The following CUX2 variants were observed in gnomAD, a reference collection of about 807,000 sequenced individuals.
CUX2 encodes homeobox protein cut-like 2.
CUX2 carries 40 observed loss-of-function variants against 144.8 expected under a neutral mutation model. The ratio of observed to expected loss-of-function variants is 0.28; its 90% CI spans 0.21 to 0.36. CUX2 has a LOEUF of 0.36. CUX2 is among the 10% of genes least tolerant of loss of function. CUX2 has a pLI of 1.00. For synonymous variants in CUX2, 827 were observed against 875.6 expected, an observed-to-expected ratio of 0.94 and a Z score of 0.98; for missense variants, 1,615 against 1,994.0, an observed-to-expected ratio of 0.81 and a Z score of 3.62.
At chr12:111,046,701 G>A (rs578004939) in intron 1 of CUX2, among the ~76,000 whole-genome samples, 1 of 152,288 alleles carries the variant, frequency 6.6e-6, no homozygotes, top group East Asian at 1.9e-4. Flanking sequence ...CTGTCGCCCA[G>A]GCTGGAGTGC....
At chr12:111,161,053 G>A (rs1226062322) in intron 1 of CUX2, among the ~76,000 whole-genome samples, 1 of 152,160 alleles carries the variant, frequency 6.6e-6, no homozygotes, top group African/African-American at 2.4e-5. Context: ...CCTGGGGGCT[G>A]GAGGTGAGCC....
intron 1 of CUX2, among the ~76,000 whole-genome samples, chr12:111,129,982 G>A (rs1274863441): frequency 2.6e-5 from 4 of 152,158 alleles, no homozygotes; most frequent in African/African-American, 9.7e-5. Context: ...TGACTGGAGG[G>A]CTACGGTGAC....
Position 111,072,481 on chromosome 12 carries a change from A to G in CUX2, c.63+38241A>G, listed in dbSNP as rs182268759. Among the ~76,000 whole-genome samples, 21 of 152,240 alleles carry G rather than the reference A, an allele frequency of 1.4e-4. No individual in the cohort carries two copies. The East Asian group carries it at 3.9e-3, about 28-fold the overall frequency. On this transcript the variant is annotated intron_variant, in intron 1 of 21. Coordinates refer to ENST00000261726, the MANE Select transcript of CUX2 (RefSeq NM_015267.4). ...TTTGTAACCCTTTGTCCATCTCTCCATCACAATACAGTGCTGATTGCAATA... is the reference window on the plus strand; with the variant it reads ...TTTGTAACCCTTTGTCCATCTCTCCGTCACAATACAGTGCTGATTGCAATA...
rs997431854 is a variant in CUX2, at chr12:111,115,288, T to C, written c.63+81048T>C. Among the ~76,000 whole-genome samples the C allele has an allele frequency of 5.0e-5, 7 of 140,216 alleles. No homozygotes were observed. In the East Asian group the frequency reaches 7.9e-4, roughly 16 times the overall value. 92.0% of individuals were successfully genotyped at this position (140,216 alleles called of 152,430 possible). On this transcript the variant is annotated intron_variant, in intron 1 of 21. Coordinates refer to ENST00000261726, the MANE Select transcript of CUX2 (RefSeq NM_015267.4). ...GGAGATAATAAAATTTCTTTTTTTT[T>C]TTTTTTTTTTTTTTTGAGATAGAGT...
chr12:111,347,903 G>A lies in CUX2; in HGVS notation c.4039G>A (p.Gly1347Arg), dbSNP rs368160942. The A allele has an allele frequency of 1.0e-4, 167 of 1,613,828 alleles. No homozygotes were observed. The highest frequency in any genetic ancestry group is 4.1e-4 in the South Asian group (37 of 91,076). The change falls in exon 22 of 22, where the codon GGG becomes AGG. Residue 1347 changes from glycine to arginine, a missense_variant. This residue lies in a region of CUX2 where 298 missense variants were observed against 330.4 expected (regional missense o/e 0.90). Transcript: ENST00000261726. ...TGATGGACTCCCAAAAGTGGCTCCCGGGCCCCTCCTTCCAGGTGGATCCAC... is the reference window on the plus strand; with the variant it reads ...TGATGGACTCCCAAAAGTGGCTCCCAGGCCCCTCCTTCCAGGTGGATCCAC... ...GNDGLPKVAP[G>R]PLLPGGSTPD...
At chr12:111,149,356 C>A (rs1019357885) in intron 1 of CUX2, among the ~76,000 whole-genome samples, 20 of 152,122 alleles carry the variant, frequency 1.3e-4, no homozygotes, top group Non-Finnish European at 2.5e-4. Context: ...GACACCCCTA[C>A]CCTAGACCAT....
rs940824026 is a variant in CUX2, at chr12:111,255,352, T to C, written c.223-8409T>C. Among the ~76,000 whole-genome samples the C allele has an allele frequency of 1.3e-5, 2 of 152,256 alleles. No homozygotes were observed. The highest frequency in any genetic ancestry group is 4.8e-5 in the African/African-American group (2 of 41,462). On this transcript the variant is annotated intron_variant, in intron 3 of 21. Transcript: ENST00000261726. This position sits in a 1 kb window ranked among gnomAD's most constrained non-coding sequence, Gnocchi z 4.1. Reference sequence around the variant, plus strand: ...TAATCCCTGACATTAAAATGTAATTTTCATTTGCTCAGCGGCATCACTGAT... The same window carrying C: ...TAATCCCTGACATTAAAATGTAATTCTCATTTGCTCAGCGGCATCACTGAT...
chr12:111,233,366 G>T (rs1193874054), intron 3 of CUX2, among the ~76,000 whole-genome samples: 1 of 152,048 alleles, frequency 6.6e-6, no homozygotes, highest in Non-Finnish European at 1.5e-5. Flanking sequence ...AACAGACAAA[G>T]GTTCTTATTT....
Position 111,341,986 on chromosome 12 carries a change from A to T in CUX2, c.3592A>T (p.Ile1198Phe). 6.2e-7 allele frequency: 1 copy of T among 1,614,096 alleles called. No individual in the cohort carries two copies. The highest frequency in any genetic ancestry group is 8.5e-7 in the Non-Finnish European group (1 of 1,180,014). ...QLEPYPSQQT[I>F]ELLSFQLNLK... Reference sequence around the variant, plus strand: ...GGAACCCTACCCCTCGCAGCAGACCATCGAGCTCCTCTCCTTCCAGCTCAA... The same window carrying T: ...GGAACCCTACCCCTCGCAGCAGACCTTCGAGCTCCTCTCCTTCCAGCTCAA... Residue 1198 changes from isoleucine (I) to phenylalanine (F), a missense_variant, in exon 21 of 22, where the codon ATC becomes TTC. Ile to Phe is a conservative substitution (Grantham distance 21). Around this residue, in one of 12 missense-constraint regions of CUX2, gnomAD observed 131 missense variants for 223.1 expected, o/e 0.59. Coordinates refer to ENST00000261726, the MANE Select transcript of CUX2 (RefSeq NM_015267.4).
At chr12:111,091,823 C>T (rs761281882) in intron 1 of CUX2, among the ~76,000 whole-genome samples, 4 of 152,108 alleles carry the variant, frequency 2.6e-5, no homozygotes, top group African/African-American at 4.8e-5. Flanking sequence ...GGCTTGTGGC[C>T]GCATCACTAG....
chr12:111,321,486 GTGTT>G lies in CUX2; in HGVS notation c.2766+714_2766+717del, dbSNP rs563485048. On this transcript the variant is annotated intron_variant, in intron 17 of 21. Coordinates refer to ENST00000261726, the MANE Select transcript of CUX2 (RefSeq NM_015267.4). ...TCCATCTCAAAAGAAAAAAAAAAAAGTGTTTGGGATCAGCCTGGGCAATGTAGCA... is the reference window on the plus strand; with the variant it reads ...TCCATCTCAAAAGAAAAAAAAAAAAGTGGGATCAGCCTGGGCAATGTAGCA... Among the ~76,000 whole-genome samples, 138 of 151,276 alleles carry G rather than the reference GTGTT, an allele frequency of 9.1e-4. 1 individual carries two copies. The highest frequency in any genetic ancestry group is 4.0e-3 in the Admixed American group (60 of 15,138).
At chr12:111,042,503 A>G (rs1869799155) in intron 1 of CUX2, among the ~76,000 whole-genome samples, 1 of 152,160 alleles carries the variant, frequency 6.6e-6, no homozygotes. Context: ...CTCGGTTCAA[A>G]TCCCAGCTCT....
At position 111,037,811 on chromosome 12, in the gene CUX2, G is replaced by C. The variant is rs1869535297; in HGVS notation, c.63+3571G>C. ...TTTTTTTTACCATGCTCTGGGTCCAGTCTCCCATGCTGTCTTCCCTGACTC... is the reference window on the plus strand; with the variant it reads ...TTTTTTTTACCATGCTCTGGGTCCACTCTCCCATGCTGTCTTCCCTGACTC... On this transcript the variant is annotated intron_variant, in intron 1 of 21. Transcript: ENST00000261726. This position sits in a 1 kb window ranked among gnomAD's most constrained non-coding sequence, Gnocchi z 5.4. 1.3e-5 allele frequency among the ~76,000 whole-genome samples: 2 copies of C among 151,786 alleles called. No individual in the cohort carries two copies.
At chr12:111,176,629 T>C (rs1301282045) in intron 1 of CUX2, among the ~76,000 whole-genome samples, 1 of 152,168 alleles carries the variant, frequency 6.6e-6, no homozygotes, top group Non-Finnish European at 1.5e-5. Flanking sequence ...AAAAAAAGGT[T>C]GTTGTGTCCA....
At chr12:111,343,390 G>A (rs554492534) in intron 21 of CUX2, among the ~76,000 whole-genome samples, 63 of 152,190 alleles carry the variant, frequency 4.1e-4, no homozygotes, top group African/African-American at 1.4e-3. Flanking sequence ...CACTTGGGGG[G>A]ATTTCAAGGA....
intron 1 of CUX2, among the ~76,000 whole-genome samples, chr12:111,212,181 G>A (rs917831310): frequency 4.6e-5 from 7 of 152,216 alleles, no homozygotes; most frequent in Non-Finnish European, 8.8e-5. Flanking sequence ...GTTGTGGTCA[G>A]TTGTAGTTTC....
chr12:111,101,705 C>G (rs1182582913), intron 1 of CUX2, among the ~76,000 whole-genome samples: 1 of 152,212 alleles, frequency 6.6e-6, no homozygotes, highest in Non-Finnish European at 1.5e-5. Context: ...GAGCCTTAGT[C>G]TTCCCACCTG....
At chr12:111,100,032 T>A in intron 1 of CUX2, 1 of 457,044 alleles carries the variant, frequency 2.2e-6, no homozygotes, top group Non-Finnish European at 4.4e-6. Context: ...CCGGTGGTGC[T>A]GCTGACGGGC....
Position 111,077,498 on chromosome 12 carries a change from G to A in CUX2, c.63+43258G>A, listed in dbSNP as rs1050336303. ...ACCACTGAATAATTTACGGTCCCTC[G>A]GAGCGGCGAGGAGCAGGTCACTGGA... On this transcript the variant is annotated intron_variant, in intron 1 of 21. Coordinates refer to ENST00000261726, the MANE Select transcript of CUX2 (RefSeq NM_015267.4). The surrounding 1 kb of genome is among the most constrained non-coding windows in gnomAD (Gnocchi z 4.1). 3.3e-5 allele frequency among the ~76,000 whole-genome samples: 5 copies of A among 152,164 alleles called. No individual in the cohort carries two copies. The highest frequency in any genetic ancestry group is 1.2e-4 in the African/African-American group (5 of 41,434).
Sources: allele counts gnomAD v4.1 joint callset (sites outside exome capture counted in the v4.1 genomes callset), GRCh38; gene constraint gnomAD v4.1.1; regional missense constraint gnomAD v4.1.1; non-coding constraint Gnocchi (gnomAD v3.1); transcripts MANE v1.5; gene names NCBI Gene and HGNC (gene_info 2026-07-23, HGNC 2026-07-21).